The following LRIT3 variants were observed in gnomAD, a reference collection of about 807,000 sequenced individuals.
LRIT3 encodes leucine-rich repeat, immunoglobulin-like domain and transmembrane domain-containing protein 3.
LRIT3 carries 14 observed loss-of-function variants against 22.6 expected under a neutral mutation model. The observed-to-expected ratio is 0.62, with a 90% confidence interval of 0.41 to 0.97. The LOEUF (loss-of-function observed/expected upper bound fraction) is 0.97. Ranked by LOEUF, LRIT3 falls within the 50% of genes least tolerant of loss-of-function variation. The pLI is 0.00. For missense variants in LRIT3, 783 were observed against 803.0 expected, an observed-to-expected ratio of 0.98 and a Z score of 0.30; for synonymous variants, 306 against 304.5, an observed-to-expected ratio of 1.01 and a Z score of -0.05.
chr4:109,870,375 T>A lies in LRIT3; in HGVS notation c.1626T>A (p.Asp542Glu). 1 of 1,614,180 alleles carries A rather than the reference T, an allele frequency of 6.2e-7. No individual in the cohort carries two copies. ...ADSSKNQVTI[D>E]GLEPGGQYMA... is the part of the protein sequence containing the mutation. ...CCAGCAAGAACCAAGTAACCATAGA[T>A]GGCTTGGAACCCGGTGGGCAATACA... Residue 542 changes from aspartate (D) to glutamate (E), a missense_variant, in exon 4 of 4, where the codon GAT (aspartate) becomes GAA (glutamate). By Grantham distance (45) the Asp-to-Glu change is conservative (BLOSUM62 2). Coordinates refer to ENST00000594814, the MANE Select transcript of LRIT3 (RefSeq NM_198506.5).
chr4:109,864,987 GAT>G, intron 2 of LRIT3: 1 of 1,058,248 alleles, frequency 9.4e-7, no homozygotes, highest in Non-Finnish European at 1.3e-6. Flanking sequence ...AATCAATAGA[GAT>G]AAAAATGTTA....
At position 109,864,984 on chromosome 4, in the gene LRIT3, A is replaced by G. The variant is rs1258187014; in HGVS notation, c.590-2657A>G. 4.9e-6 allele frequency: 5 copies of G among 1,022,324 alleles called. No individual in the cohort carries two copies. The South Asian group carries it at 1.1e-4, about 23-fold the overall frequency. The allele number at this position is 1,022,324 out of a possible 1,614,324, so 63.3% of individuals were successfully genotyped here. The stretch of plus-strand genomic sequence containing the variant: ...GATTATCTTTAGCACCTCAATCAAT[A>G]GAGATAAAAATGTTACAAATTAGGC... On this transcript the variant is annotated intron_variant, in intron 2 of 3. Transcript: ENST00000594814.
intron 2 of LRIT3, among the ~76,000 whole-genome samples, chr4:109,859,870 G>A (rs537428508): frequency 6.6e-6 from 1 of 152,264 alleles, no homozygotes; most frequent in East Asian, 1.9e-4. Context: ...ATGCAATTTT[G>A]TACTTACAAT....
At chr4:109,867,981 T>G in intron 3 of LRIT3, 35 bp downstream of exon 3, 1 of 1,565,358 alleles carries the variant, frequency 6.4e-7, no homozygotes, top group South Asian at 1.2e-5. Flanking sequence ...ATCAAAGGAG[T>G]TTACTAAGCT....
chr4:109,857,738 G>A (rs916115860), intron 2 of LRIT3, among the ~76,000 whole-genome samples: 1 of 152,030 alleles, frequency 6.6e-6, no homozygotes, highest in Non-Finnish European at 1.5e-5. Context: ...TGACCTTTAG[G>A]AGCCCAGTCA....
chr4:109,862,648 A>G (rs543652887), intron 2 of LRIT3, among the ~76,000 whole-genome samples: 7 of 152,278 alleles, frequency 4.6e-5, no homozygotes, highest in Admixed American at 4.6e-4. Context: ...TAGCTCTTAA[A>G]TCTTTCCCTG....
intron 1 of LRIT3, among the ~76,000 whole-genome samples, chr4:109,850,228 ACTT>A (rs1037662640): frequency 2.6e-5 from 4 of 152,116 alleles, no homozygotes; most frequent in African/African-American, 9.7e-5. Flanking sequence ...ACTTTGCAAA[ACTT>A]CTTATTGTTC....
intron 2 of LRIT3, among the ~76,000 whole-genome samples, chr4:109,852,826 AG>A (rs1734305524): frequency 6.6e-6 from 1 of 152,092 alleles, no homozygotes; most frequent in South Asian, 2.1e-4. Context: ...CTTATGAGTG[AG>A]AACATGCAGT....
intron 2 of LRIT3, among the ~76,000 whole-genome samples, chr4:109,863,101 T>C (rs2125899932): frequency 6.6e-6 from 1 of 152,310 alleles, no homozygotes; most frequent in South Asian, 2.1e-4. Flanking sequence ...ATTAGGATGC[T>C]AAAAAAATCT....
At position 109,865,123 on chromosome 4, in the gene LRIT3, A is replaced by G. The variant is rs561733816; in HGVS notation, c.590-2518A>G. 3 of 1,435,968 alleles carry G rather than the reference A, an allele frequency of 2.1e-6. No homozygotes were observed. The South Asian group carries it at 4.4e-5, about 21-fold the overall frequency. The allele number at this position is 1,435,968 out of a possible 1,614,324, so 89.0% of individuals were successfully genotyped here. On this transcript the variant is annotated intron_variant, in intron 2 of 3. Transcript: ENST00000594814. Reference sequence around the variant, plus strand: ...ATCATTATTTTTATTTTATAGGCTGATAGAACGTTACGGCTGTAAAAAGCT... The same window carrying G: ...ATCATTATTTTTATTTTATAGGCTGGTAGAACGTTACGGCTGTAAAAAGCT...
rs1734817906 is a variant in LRIT3, at chr4:109,870,829, A to C, written c.*40A>C. 1 of 1,528,710 alleles carries C rather than the reference A, an allele frequency of 6.5e-7. No individual in the cohort carries two copies. Among genetic ancestry groups the C allele is most frequent in the Non-Finnish European group, 8.8e-7 (1 of 1,138,742 alleles). 94.7% of individuals were successfully genotyped at this position (1,528,710 alleles called of 1,614,324 possible). On this transcript the variant is annotated 3_prime_UTR_variant, in exon 4 of 4. Coordinates refer to ENST00000594814, the MANE Select transcript of LRIT3 (RefSeq NM_198506.5). ...GGTGCATGTGAGCTACAAAACTAGC[A>C]TCTAAGGGTATAATTGACCCTAGGT...
intron 1 of LRIT3, among the ~76,000 whole-genome samples, chr4:109,848,943 A>T (rs146422929): frequency 1.4e-4 from 22 of 152,318 alleles, no homozygotes; most frequent in African/African-American, 4.6e-4. Flanking sequence ...GAGAAGAGTT[A>T]TTTACTTATA....
intron 1 of LRIT3, among the ~76,000 whole-genome samples, chr4:109,850,375 C>T (rs1222696056): frequency 1.9e-3 from 1 of 520 alleles, no homozygotes; most frequent in South Asian, 0.045. Context: ...TCCTTCCTTC[C>T]TTCCTTCCTT....
At position 109,870,419 on chromosome 4, in the gene LRIT3, A is replaced by G. The variant is rs769581298; in HGVS notation, c.1670A>G (p.Lys557Arg). The G allele has an allele frequency of 6.2e-6, 10 of 1,614,142 alleles. No individual in the cohort carries two copies. Among genetic ancestry groups the G allele is most frequent in the Non-Finnish European group, 8.5e-6 (10 of 1,180,016 alleles). ...GGQYMACVCP[K>R]GVPPQKDQCI... is the part of the protein sequence containing the mutation. ...CAATACATGGCCTGTGTCTGTCCAA[A>G]AGGAGTGCCTCCCCAGAAAGACCAA... The change falls in exon 4 of 4, where the codon AAA becomes AGA. Residue 557 changes from lysine (K) to arginine (R), a missense_variant. By Grantham distance (26) the Lys-to-Arg change is conservative. Transcript: ENST00000594814.
intron 2 of LRIT3, among the ~76,000 whole-genome samples, chr4:109,857,894 C>T (rs987706914): frequency 6.6e-5 from 10 of 152,270 alleles, no homozygotes; most frequent in African/African-American, 1.9e-4. Flanking sequence ...ATATAATCAG[C>T]GATTCCTATT....
At chr4:109,867,534 C>G in intron 2 of LRIT3, 107 bp from the exon 3 acceptor site, 1 of 1,055,988 alleles carries the variant, frequency 9.5e-7, no homozygotes. Context: ...CCTCAAAGCA[C>G]TTCTGTTTAT....
Position 109,850,415 on chromosome 4 carries a change from C to CT in LRIT3, c.117-1087dup, listed in dbSNP as rs1734200358. Among the ~76,000 whole-genome samples, 33 of 17,724 alleles carry CT rather than the reference C, an allele frequency of 1.9e-3. 2 individuals are homozygous for CT. The highest frequency in any genetic ancestry group is 0.011 in the South Asian group (5 of 440). 11.6% of individuals were successfully genotyped at this position (17,724 alleles called of 152,430 possible). On this transcript the variant is annotated intron_variant, in intron 1 of 3. Transcript: ENST00000594814. ...CCTTCCTTCCTTCCTTCCTTCCTTCCTTCCTTCCTTTCTTTCTTTCTTTCT... is the reference window on the plus strand; with the variant it reads ...CCTTCCTTCCTTCCTTCCTTCCTTCCTTTCCTTCCTTTCTTTCTTTCTTTCT...
chr4:109,861,828 C>T (rs1242728141), intron 2 of LRIT3, among the ~76,000 whole-genome samples: 2 of 152,228 alleles, frequency 1.3e-5, no homozygotes, highest in Admixed American at 1.3e-4. Context: ...ACAGTTAGTG[C>T]TTTCTGTGTA....
At chr4:109,850,192 T>G (rs1344457237) in intron 1 of LRIT3, among the ~76,000 whole-genome samples, 2 of 152,194 alleles carry the variant, frequency 1.3e-5, no homozygotes, top group African/African-American at 4.8e-5. Context: ...TTTACTAAAT[T>G]TATAGTGTGC....
Sources: gnomAD v4.1 joint callset for allele counts (sites outside exome capture counted in the v4.1 genomes callset) on GRCh38, gnomAD v4.1.1 for gene constraint, MANE v1.5 for transcripts, NCBI Gene and HGNC (gene_info 2026-07-23, HGNC 2026-07-21) for gene names.